Variants in LGR4 observed in about 807,000 individuals in gnomAD.
LGR4 encodes the protein leucine-rich repeat-containing G protein-coupled receptor 4.
LGR4 carries 44 observed loss-of-function variants against 84.8 expected under a neutral mutation model. The observed-to-expected ratio is 0.52, with a 90% CI of 0.41 to 0.67. The LOEUF (loss-of-function observed/expected upper bound fraction) is 0.67. Among genes scored for constraint, LGR4 ranks in the 30% least tolerant of loss-of-function variants. LGR4 has a pLI of 0.00. For synonymous variants in LGR4, 429 were observed against 434.3 expected, an observed-to-expected ratio of 0.99 and a Z score of 0.15; for missense variants, 1,032 against 1,131.4, an observed-to-expected ratio of 0.91 and a Z score of 1.26.
Position 27,368,462 on chromosome 11 carries a change from A to G in LGR4, c.2261T>C (p.Phe754Ser). The change falls in exon 18 of 18, where the codon TTC becomes TCC. Residue 754 changes from phenylalanine (F) to serine (S), a missense_variant. Physicochemically the swap from Phe to Ser is radical, Grantham distance 155. Transcript: ENST00000379214. ...SMIKHVAWLI[F>S]TNCIFFCPVA... The stretch of plus-strand genomic sequence containing the variant: ...AGGGCAGAAAAAGATGCAATTGGTG[A>G]AGATTAGCCAAGCGACATGCTTAAT... 1 of 1,614,246 alleles carries G rather than the reference A, an allele frequency of 6.2e-7. No homozygotes were observed. Among genetic ancestry groups the G allele is most frequent in the Non-Finnish European group, 8.5e-7 (1 of 1,180,032 alleles).
At chr11:27,417,522 T>C (rs2133404606) in intron 1 of LGR4, among the ~76,000 whole-genome samples, 1 of 152,286 alleles carries the variant, frequency 6.6e-6, no homozygotes, top group South Asian at 2.1e-4. Flanking sequence ...CCACAAGTAG[T>C]AAAGACACAC....
At chr11:27,379,428 A>G (rs1863049740) in intron 10 of LGR4, among the ~76,000 whole-genome samples, 1 of 152,052 alleles carries the variant, frequency 6.6e-6, no homozygotes, top group South Asian at 2.1e-4. Context: ...TGTTCTCCCC[A>G]TCTCTAGTCT....
intron 2 of LGR4, among the ~76,000 whole-genome samples, chr11:27,402,160 T>G (rs1012254379): frequency 2.0e-5 from 3 of 152,136 alleles, no homozygotes; most frequent in African/African-American, 7.2e-5. Context: ...CATGAGTAAA[T>G]ACCAACTGGC....
In LGR4 at chr11:27,375,768, C is replaced by T. The variant is rs73446050; in HGVS notation, c.1181+531G>A. On this transcript the variant is annotated intron_variant, in intron 13 of 17. Transcript: ENST00000379214. Reference sequence around the variant, plus strand: ...GCCTACCCTTGCCCTAATGAATTGGCAAACCTCACTATTATAACTTGAAAA... The same window carrying T: ...GCCTACCCTTGCCCTAATGAATTGGTAAACCTCACTATTATAACTTGAAAA... Among the ~76,000 whole-genome samples the T allele has an allele frequency of 4.7e-3, 708 of 152,248 alleles. 3 individuals are homozygous for T. The highest frequency in any genetic ancestry group is 0.015 in the African/African-American group (643 of 41,548).
In LGR4 at chr11:27,373,592, C is replaced by T. The variant is rs761635622; in HGVS notation, c.1338G>A (p.Lys446=). 20 of 1,599,914 alleles carry T rather than the reference C, an allele frequency of 1.3e-5. No individual in the cohort carries two copies. The highest frequency in any genetic ancestry group is 1.7e-5 in the Non-Finnish European group (20 of 1,171,496). The change falls in exon 15 of 18, where the codon AAG becomes AAA. Residue 446 remains lysine, a synonymous_variant. Coordinates refer to ENST00000379214, the MANE Select transcript of LGR4 (RefSeq NM_018490.5). ...CTTTTGCTGCTAAGGCTTCTTTCAG[C>T]TTGAAGTTGCCCACAAGTTTCAGTT... ...LNQLKLVGNF[K]LKEALAAKDF...
chr11:27,402,617 G>T (rs1030978288), intron 2 of LGR4, among the ~76,000 whole-genome samples: 8 of 152,128 alleles, frequency 5.3e-5, no homozygotes, highest in Non-Finnish European at 1.0e-4. Flanking sequence ...TAGTAATAAA[G>T]TAAGAAAAGA....
chr11:27,394,033 T>C (rs1244989939), intron 2 of LGR4, among the ~76,000 whole-genome samples: 9 of 147,148 alleles, frequency 6.1e-5, no homozygotes, highest in East Asian at 2.0e-4. Flanking sequence ...ATTTCTTCAA[T>C]GGCAAGAATA....
chr11:27,383,679 C>T (rs947693340), intron 6 of LGR4, among the ~76,000 whole-genome samples: 5 of 152,192 alleles, frequency 3.3e-5, no homozygotes, highest in African/African-American at 1.2e-4. Context: ...GGGACCTTCT[C>T]TGAATCATTT....
chr11:27,468,701 G>GA (rs35761131), intron 1 of LGR4, among the ~76,000 whole-genome samples: 128 of 136,968 alleles, frequency 9.3e-4, no homozygotes, highest in African/African-American at 2.0e-3. Context: ...ATTGTCACGA[G>GA]AAAAAAAAAA....
chr11:27,449,501 G>A (rs1405486486), intron 1 of LGR4, among the ~76,000 whole-genome samples: 1 of 151,940 alleles, frequency 6.6e-6, no homozygotes, highest in African/African-American at 2.4e-5. Flanking sequence ...AGGGTGACTT[G>A]AGCCTAAGAG....
chr11:27,446,553 G>A (rs1864393585), intron 1 of LGR4, among the ~76,000 whole-genome samples: 1 of 152,202 alleles, frequency 6.6e-6, no homozygotes, highest in Admixed American at 6.5e-5. Context: ...TGGAGAGGAT[G>A]TGGAGAAATA....
chr11:27,443,611 T>C (rs947250715), intron 1 of LGR4, among the ~76,000 whole-genome samples: 2 of 152,234 alleles, frequency 1.3e-5, no homozygotes, highest in African/African-American at 4.8e-5. Flanking sequence ...TAAAAATATG[T>C]ACATAGGTAT....
intron 1 of LGR4, among the ~76,000 whole-genome samples, chr11:27,441,552 G>T (rs1864303618): frequency 6.6e-6 from 1 of 152,206 alleles, no homozygotes; most frequent in African/African-American, 2.4e-5. Context: ...ACCAGAGAAA[G>T]AAATGAATGA....
chr11:27,388,799 A>G (rs1424242165), intron 4 of LGR4, among the ~76,000 whole-genome samples: 1 of 152,134 alleles, frequency 6.6e-6, no homozygotes, highest in African/African-American at 2.4e-5. Context: ...AAAACTGAGA[A>G]AAACCTAGGA....
intron 1 of LGR4, among the ~76,000 whole-genome samples, chr11:27,432,055 G>A (rs539434673): frequency 1.2e-4 from 18 of 152,180 alleles, no homozygotes; most frequent in Non-Finnish European, 1.9e-4. Context: ...CAGCAGGATG[G>A]CAAATTCTTG....
chr11:27,448,004 T>C (rs1442432790), intron 1 of LGR4, among the ~76,000 whole-genome samples: 1 of 152,232 alleles, frequency 6.6e-6, no homozygotes, highest in African/African-American at 2.4e-5. Flanking sequence ...ATGTATGCAT[T>C]CCAGGTCTAT....
At chr11:27,472,050 GC>G in intron 1 of LGR4, 67 bp downstream of exon 1, 1 of 1,144,908 alleles carries the variant, frequency 8.7e-7, no homozygotes, top group African/African-American at 1.7e-5. Flanking sequence ...CCCTGGCTCC[GC>G]CCCGCGGCGC....
At chr11:27,407,160 T>C (rs1306059822) in intron 2 of LGR4, among the ~76,000 whole-genome samples, 1 of 152,148 alleles carries the variant, frequency 6.6e-6, no homozygotes, top group Non-Finnish European at 1.5e-5. Context: ...ATGGTATGGC[T>C]AGATAAGGAA....
At chr11:27,373,297 G>A (rs1310772004) in intron 15 of LGR4, 16 of 299,908 alleles carry the variant, frequency 5.3e-5, no homozygotes, top group East Asian at 5.6e-5. Context: ...AAAGTCCACT[G>A]TATTAAAAAA....
Sources: gnomAD v4.1 joint callset for allele counts (sites outside exome capture counted in the v4.1 genomes callset) on GRCh38, gnomAD v4.1.1 for gene constraint, MANE v1.5 for transcripts, NCBI Gene and HGNC (gene_info 2026-07-23, HGNC 2026-07-21) for gene names.